The following SLC24A2 variants were observed in gnomAD, a reference collection of about 807,000 sequenced individuals.
SLC24A2 encodes sodium/potassium/calcium exchanger 2.
SLC24A2 carries 36 observed loss-of-function variants against 62.0 expected under a neutral mutation model. The observed-to-expected ratio is 0.58, with a 90% CI of 0.44 to 0.77. The LOEUF is 0.77. Ranked by LOEUF, SLC24A2 falls within the 30% of genes least tolerant of loss-of-function variation. SLC24A2 has a pLI of 0.00. For synonymous variants in SLC24A2, 358 were observed against 294.0 expected (o/e 1.22, Z -2.23); for missense variants, 846 against 817.9 (o/e 1.03, Z -0.42).
At chr9:19,975,605 G>A in the SLC24A2 span, among the ~76,000 whole-genome samples, 10 of 152,158 alleles carry the variant, frequency 6.6e-5, no homozygotes, top group Non-Finnish European at 8.8e-5. Context: ...AGTGCCAGGC[G>A]TATAGTAGGC....
At chr9:19,673,379 T>C (rs1207222799) in intron 2 of SLC24A2, among the ~76,000 whole-genome samples, 1 of 132,236 alleles carries the variant, frequency 7.6e-6, no homozygotes, top group Admixed American at 7.1e-5. Flanking sequence ...TTGGTGTCCA[T>C]TTGCATGGAA....
rs760053476 is a variant in SLC24A2, at chr9:19,576,989, T to C, written c.1163A>G (p.Lys388Arg). 6.2e-7 allele frequency: 1 copy of C among 1,614,146 alleles called. No homozygotes were observed. The highest frequency in any genetic ancestry group is 1.1e-5 in the South Asian group (1 of 91,090). Residue 388 changes from lysine to arginine, a missense_variant, in exon 6 of 11, where the codon AAG (lysine) becomes AGG (arginine). Physicochemically the swap from Lys to Arg is conservative, Grantham distance 26. Transcript: ENST00000341998. ...RFREKASILH[K>R]IAKKKCHVDE... ...CACATGACATTTCTTCTTGGCGATCTTGTGGAGAATTGAAGCCTTTTCTCT... is the reference window on the plus strand; with the variant it reads ...CACATGACATTTCTTCTTGGCGATCCTGTGGAGAATTGAAGCCTTTTCTCT...
At chr9:19,989,114 A>G in the SLC24A2 span, among the ~76,000 whole-genome samples, 1 of 152,166 alleles carries the variant, frequency 6.6e-6, no homozygotes, top group Non-Finnish European at 1.5e-5. Flanking sequence ...TTTTAATCAT[A>G]GATGTTAATA....
At chr9:19,936,854 A>G in the SLC24A2 span, among the ~76,000 whole-genome samples, 2 of 152,304 alleles carry the variant, frequency 1.3e-5, no homozygotes, top group East Asian at 1.9e-4. Context: ...GGTAATTGCT[A>G]AAAGAACCAA....
At chr9:20,162,415 C>T in the SLC24A2 span, among the ~76,000 whole-genome samples, 1 of 151,892 alleles carries the variant, frequency 6.6e-6, no homozygotes, top group Non-Finnish European at 1.5e-5. Flanking sequence ...ATACACCCTC[C>T]CAAGACTAAA....
At chr9:19,731,347 A>G (rs563245670) in intron 2 of SLC24A2, among the ~76,000 whole-genome samples, 1 of 152,164 alleles carries the variant, frequency 6.6e-6, no homozygotes, top group South Asian at 2.1e-4. Context: ...TACCAACCCC[A>G]CCCACATTCA....
chr9:19,566,716 TCCA>T (rs1378770305), intron 7 of SLC24A2, among the ~76,000 whole-genome samples: 3 of 152,082 alleles, frequency 2.0e-5, no homozygotes, highest in African/African-American at 7.2e-5. Context: ...AACCCAAATG[TCCA>T]CCAACAATAG....
At chr9:20,087,477 G>C in the SLC24A2 span, among the ~76,000 whole-genome samples, 1 of 152,118 alleles carries the variant, frequency 6.6e-6, no homozygotes, top group Non-Finnish European at 1.5e-5. Context: ...CACCACTCAA[G>C]AAATAATTTG....
At chr9:19,778,720 T>C (rs1242574149) in intron 2 of SLC24A2, among the ~76,000 whole-genome samples, 1 of 152,314 alleles carries the variant, frequency 6.6e-6, no homozygotes, top group East Asian at 1.9e-4. Flanking sequence ...TCTGGAGGAA[T>C]GTACTTAAAA....
the SLC24A2 span, among the ~76,000 whole-genome samples, chr9:19,920,567 A>G: frequency 3.8e-4 from 58 of 152,108 alleles, no homozygotes; most frequent in Non-Finnish European, 1.0e-4. Flanking sequence ...ACGTACCGCT[A>G]TGGGCTACCT....
the SLC24A2 span, among the ~76,000 whole-genome samples, chr9:20,020,289 C>G: frequency 1.3e-5 from 2 of 152,218 alleles, no homozygotes; most frequent in African/African-American, 4.8e-5. Flanking sequence ...TATTGCAGCA[C>G]TGTTCACAAT....
At chr9:19,557,733 G>C (rs55939544) in intron 7 of SLC24A2, among the ~76,000 whole-genome samples, 8,656 of 150,634 alleles carry the variant, frequency 0.057, 798 homozygotes, top group African/African-American at 0.2. Context: ...CCCCAGTAAT[G>C]AAACATTTAA....
the SLC24A2 span, among the ~76,000 whole-genome samples, chr9:19,955,333 T>C: frequency 6.6e-6 from 1 of 151,684 alleles, no homozygotes; most frequent in Admixed American, 6.6e-5. Flanking sequence ...GTAGTAAATA[T>C]GGTAGAGTGA....
chr9:19,761,454 T>A (rs947217383), intron 2 of SLC24A2, among the ~76,000 whole-genome samples: 5 of 151,178 alleles, frequency 3.3e-5, no homozygotes, highest in African/African-American at 7.3e-5. Flanking sequence ...TGCATAAATG[T>A]CATTTTTTAA....
intron 10 of SLC24A2, 78 bp from the exon 11 acceptor site, chr9:19,516,480 ACC>A: frequency 6.8e-7 from 1 of 1,467,576 alleles, no homozygotes; most frequent in Non-Finnish European, 9.4e-7. Context: ...GGCAAATATA[ACC>A]TATTATTACC....
At chr9:20,182,582 C>T in the SLC24A2 span, among the ~76,000 whole-genome samples, 1 of 152,118 alleles carries the variant, frequency 6.6e-6, no homozygotes, top group African/African-American at 2.4e-5. Context: ...GGGAGTTGAA[C>T]AATGAGAACA....
chr9:20,038,862 A>G, the SLC24A2 span, among the ~76,000 whole-genome samples: 1 of 152,228 alleles, frequency 6.6e-6, no homozygotes, highest in African/African-American at 2.4e-5. Flanking sequence ...CAGGAAAGAT[A>G]AGTCGAGAAA....
chr9:19,564,576 A>C (rs1166318044), intron 7 of SLC24A2, among the ~76,000 whole-genome samples: 1 of 152,050 alleles, frequency 6.6e-6, no homozygotes, highest in Non-Finnish European at 1.5e-5. Flanking sequence ...CATTCCTAGG[A>C]ATGTCATTTT....
the SLC24A2 span, among the ~76,000 whole-genome samples, chr9:19,828,643 C>T: frequency 6.6e-6 from 1 of 152,102 alleles, no homozygotes; most frequent in East Asian, 1.9e-4. Flanking sequence ...TCTCCCCACC[C>T]CCAACGACCT....
Sources: gnomAD v4.1 joint callset for allele counts (sites outside exome capture counted in the v4.1 genomes callset) on GRCh38, gnomAD v4.1.1 for gene constraint, MANE v1.5 for transcripts, NCBI Gene and HGNC (gene_info 2026-07-23, HGNC 2026-07-21) for gene names.